TDRD3: variants seen among roughly 807,000 people sequenced by gnomAD.
TDRD3 encodes tudor domain-containing protein 3.
TDRD3 carries 45 observed loss-of-function variants against 86.7 expected under a neutral mutation model. The observed-to-expected ratio is 0.52, with a 90% CI of 0.41 to 0.67. The LOEUF is 0.67. TDRD3 is among the 30% of genes least tolerant of loss of function. The pLI, the probability that TDRD3 is intolerant of heterozygous loss-of-function variation, is 0.00. For missense variants in TDRD3, 814 were observed against 889.0 expected (o/e 0.92, Z 1.07); for synonymous variants, 298 against 301.7 (o/e 0.99, Z 0.13).
intron 11 of TDRD3, among the ~76,000 whole-genome samples, chr13:60,532,619 A>G (rs997543855): frequency 2.6e-5 from 4 of 152,226 alleles, no homozygotes; most frequent in Admixed American, 2.0e-4. Context: ...ATACATTAGT[A>G]TACATATTGC....
At chr13:60,541,617 T>C (rs1957810220) in intron 12 of TDRD3, among the ~76,000 whole-genome samples, 1 of 151,860 alleles carries the variant, frequency 6.6e-6, no homozygotes, top group Non-Finnish European at 1.5e-5. Flanking sequence ...AGTATATTTA[T>C]GATACTTTAC....
chr13:60,489,806 C>T (rs1956540606), intron 7 of TDRD3, among the ~76,000 whole-genome samples: 1 of 151,730 alleles, frequency 6.6e-6, no homozygotes, highest in South Asian at 2.1e-4. Context: ...TTATTTTTTT[C>T]CAGAAATACA....
intron 12 of TDRD3, among the ~76,000 whole-genome samples, chr13:60,565,491 T>A (rs1245520848): frequency 6.6e-6 from 1 of 152,212 alleles, no homozygotes; most frequent in Non-Finnish European, 1.5e-5. Context: ...GTTAGTTCAG[T>A]TCGTGAATTC....
intron 1 of TDRD3, among the ~76,000 whole-genome samples, chr13:60,420,957 A>G (rs949508485): frequency 2.0e-5 from 3 of 152,034 alleles, no homozygotes; most frequent in Non-Finnish European, 4.4e-5. Context: ...AAAAAAGAAA[A>G]TCTGTTGACC....
rs182622927 is a variant in TDRD3, at chr13:60,504,105, T to A, written c.859-5658T>A. Among the ~76,000 whole-genome samples, 1,276 of 152,344 alleles carry A rather than the reference T, an allele frequency of 8.4e-3. 8 individuals are homozygous for A. Among genetic ancestry groups the A allele is most frequent in the Middle Eastern group, 0.024 (7 of 294 alleles). ...TAATTTTAAAAATTTTAGAATTTTT[T>A]AAATCTTTTTATAATTTGCTTAATT... On this transcript the variant is annotated intron_variant, in intron 8 of 13. Coordinates refer to ENST00000377881, the MANE Select transcript of TDRD3 (RefSeq NM_001146070.2).
intron 8 of TDRD3, among the ~76,000 whole-genome samples, chr13:60,500,222 A>G (rs1352249266): frequency 6.6e-6 from 1 of 152,156 alleles, no homozygotes; most frequent in Non-Finnish European, 1.5e-5. Context: ...CCTATCATGA[A>G]CTGGGTGCTT....
At chr13:60,438,538 C>T (rs543099331) in intron 1 of TDRD3, among the ~76,000 whole-genome samples, 8 of 152,200 alleles carry the variant, frequency 5.3e-5, no homozygotes, top group South Asian at 2.1e-4. Context: ...TGACTTTTAT[C>T]GCCTTGGTCT....
intron 2 of TDRD3, among the ~76,000 whole-genome samples, chr13:60,442,874 AT>A (rs1331429737): frequency 6.6e-6 from 1 of 151,866 alleles, no homozygotes; most frequent in Admixed American, 6.6e-5. Context: ...AAAGTTTAGG[AT>A]TTTTGTCTAG....
At chr13:60,471,797 A>G (rs1387784914) in intron 5 of TDRD3, among the ~76,000 whole-genome samples, 1 of 152,140 alleles carries the variant, frequency 6.6e-6, no homozygotes, top group Non-Finnish European at 1.5e-5. Flanking sequence ...TTCTACATAT[A>G]AGATCACGTT....
At chr13:60,520,558 T>G (rs553282038) in intron 10 of TDRD3, among the ~76,000 whole-genome samples, 67 of 152,260 alleles carry the variant, frequency 4.4e-4, no homozygotes, top group African/African-American at 1.5e-3. Flanking sequence ...CTCCTCCTAG[T>G]TTTTTCATAA....
At chr13:60,457,470 G>A (rs1955705070) in intron 3 of TDRD3, among the ~76,000 whole-genome samples, 1 of 152,204 alleles carries the variant, frequency 6.6e-6, no homozygotes, top group Non-Finnish European at 1.5e-5. Flanking sequence ...TGCCAATCCG[G>A]TGAGGAGGCT....
rs1161709559 is a variant in TDRD3, at chr13:60,528,221, G to A, written c.1142-146G>A. ...TGCAGGACTCCAAGGAAGCAAAGAA[G>A]GAGTAAGATAATGAGGTAGGAAGAT... On this transcript the variant is annotated intron_variant, in intron 10 of 13. Coordinates refer to ENST00000377881, the MANE Select transcript of TDRD3 (RefSeq NM_001146070.2). The A allele has an allele frequency of 5.5e-5, 48 of 877,710 alleles. 1 individual carries two copies. The highest frequency in any genetic ancestry group is 7.2e-5 in the Non-Finnish European group (45 of 629,126). The allele number at this position is 877,710 out of a possible 1,614,324, so 54.4% of individuals were successfully genotyped here.
chr13:60,544,974 G>C (rs1957906143), intron 12 of TDRD3, among the ~76,000 whole-genome samples: 1 of 152,154 alleles, frequency 6.6e-6, no homozygotes, highest in African/African-American at 2.4e-5. Flanking sequence ...GTATATTCCT[G>C]GTGGTCACCT....
intron 5 of TDRD3, among the ~76,000 whole-genome samples, chr13:60,469,419 A>C (rs929928845): frequency 1.3e-5 from 2 of 149,462 alleles, no homozygotes; most frequent in African/African-American, 2.5e-5. Context: ...CCTTCTCACC[A>C]ACACACACAC....
At chr13:60,400,012 G>A (rs892194591) in intron 1 of TDRD3, among the ~76,000 whole-genome samples, 28 of 152,034 alleles carry the variant, frequency 1.8e-4, no homozygotes, top group African/African-American at 6.3e-4. Context: ...GCTACCTGGC[G>A]GACTTAAAAT....
At chr13:60,494,214 C>T (rs1303063909) in intron 7 of TDRD3, among the ~76,000 whole-genome samples, 1 of 152,122 alleles carries the variant, frequency 6.6e-6, no homozygotes, top group Non-Finnish European at 1.5e-5. Context: ...ATTCACAAAT[C>T]ATGTAATTAT....
intron 1 of TDRD3, among the ~76,000 whole-genome samples, chr13:60,408,951 T>A (rs75620282): frequency 1.4e-4 from 21 of 151,878 alleles, no homozygotes; most frequent in Admixed American, 1.4e-3. Context: ...GGCCTGGAGG[T>A]CCAGGAGGAA....
At chr13:60,527,257 G>T (rs1368707632) in intron 10 of TDRD3, among the ~76,000 whole-genome samples, 1 of 152,128 alleles carries the variant, frequency 6.6e-6, no homozygotes, top group Non-Finnish European at 1.5e-5. Context: ...TGGCTGTTTG[G>T]AAATGTTTGG....
chr13:60,479,927 C>A (rs894305256), intron 5 of TDRD3, among the ~76,000 whole-genome samples: 1 of 152,162 alleles, frequency 6.6e-6, no homozygotes, highest in African/African-American at 2.4e-5. Flanking sequence ...AGACAGCAAA[C>A]AGTTGAGTCT....
Sources: allele counts gnomAD v4.1 joint callset (sites outside exome capture counted in the v4.1 genomes callset), GRCh38; gene constraint gnomAD v4.1.1; transcripts MANE v1.5; gene names NCBI Gene and HGNC (gene_info 2026-07-23, HGNC 2026-07-21).